Variants in BPIFA2 observed in about 807,000 individuals in gnomAD.
BPIFA2 encodes BPI fold containing family A member 2.
A neutral mutation model predicts 25.7 loss-of-function variants in BPIFA2; 20 were observed. The observed-to-expected ratio is 0.78, with a 90% CI of 0.55 to 1.13. The LOEUF (loss-of-function observed/expected upper bound fraction) is 1.13, where lower values mean the gene tolerates loss of function less well. Ranked by LOEUF, BPIFA2 falls within the 50% of genes most tolerant of loss-of-function variation. BPIFA2 has a pLI of 0.00. For missense variants in BPIFA2, 300 were observed against 298.1 expected (o/e 1.01, Z -0.05); for synonymous variants, 126 against 124.3 (o/e 1.01, Z -0.09).
At chr20:33,163,471 A>G (rs537087687), upstream of BPIFA2, among the ~76,000 whole-genome samples, 2 of 152,218 alleles carry the variant, frequency 1.3e-5, no homozygotes, top group Non-Finnish European at 2.9e-5. Flanking sequence ...TGCTAGCGCA[A>G]TGGAGATGAA....
At chr20:33,179,156 G>A (rs1037686785) in intron 6 of BPIFA2, among the ~76,000 whole-genome samples, 4 of 152,046 alleles carry the variant, frequency 2.6e-5, no homozygotes, top group Non-Finnish European at 5.9e-5. Context: ...CAGGCCAGGC[G>A]CGGTGGCTTA....
chr20:33,175,388 T>C lies in BPIFA2; in HGVS notation c.411-19T>C. The C allele has an allele frequency of 6.2e-7, 1 of 1,611,566 alleles. No homozygotes were observed. Among genetic ancestry groups the C allele is most frequent in the Non-Finnish European group, 8.5e-7 (1 of 1,178,532 alleles). On this transcript the variant is annotated intron_variant, in intron 4 of 8. Transcript: ENST00000354932. ...AGGAACTTCTAGACTTTGTTCACTGTGCATCTTACTTCCTGCAGGCCCATC... is the reference window on the plus strand; with the variant it reads ...AGGAACTTCTAGACTTTGTTCACTGCGCATCTTACTTCCTGCAGGCCCATC...
rs1983999352 is a variant in BPIFA2 at position 33,174,186 on chromosome 20, G to A, written c.410G>A (p.Gly137Glu). Reference protein sequence around the residue: ...FPVTANVTVAGPIIGQIINLK... With the variant: ...FPVTANVTVAEPIIGQIINLK... The stretch of plus-strand genomic sequence containing the variant: ...GTCACCGCGAATGTCACTGTGGCCG[G>A]GTGAGTATGCACTAGAATCTGAGAT... The change falls in exon 4 of 9, where the codon GGG becomes GAG. Residue 137 changes from glycine (G) to glutamate (E), a missense_variant and splice_region_variant. By Grantham distance (98) the Gly-to-Glu change is moderately conservative. Transcript: ENST00000354932. 6.2e-7 allele frequency: 1 copy of A among 1,613,668 alleles called. No individual in the cohort carries two copies. The highest frequency in any genetic ancestry group is 1.7e-5 in the Admixed American group (1 of 59,996).
intron 5 of BPIFA2, among the ~76,000 whole-genome samples, 177 bp downstream of exon 5, chr20:33,175,736 T>A (rs919039668): frequency 6.6e-6 from 1 of 152,162 alleles, no homozygotes; most frequent in African/African-American, 2.4e-5. Flanking sequence ...TATCACCAAC[T>A]TGACCCAGGC....
At chr20:33,169,572 T>C (rs146440288) in intron 2 of BPIFA2, among the ~76,000 whole-genome samples, 299 of 152,314 alleles carry the variant, frequency 2.0e-3, no homozygotes, top group African/African-American at 6.9e-3. Flanking sequence ...TGTTGACAAA[T>C]AATCTCCTAT....
chr20:33,163,033 G>C (rs1011515841), intron 1 of BPIFA2, among the ~76,000 whole-genome samples: 1 of 152,232 alleles, frequency 6.6e-6, no homozygotes, highest in Admixed American at 6.5e-5. Context: ...GTCAGTGTGC[G>C]TGTTGGCCTC....
chr20:33,170,423 AT>A (rs988579558), intron 2 of BPIFA2, among the ~76,000 whole-genome samples: 1 of 152,010 alleles, frequency 6.6e-6, no homozygotes, highest in Admixed American at 6.6e-5. Context: ...GACATTTATT[AT>A]TTTTTGAGAC....
chr20:33,171,182 G>A (rs903906237), intron 2 of BPIFA2, among the ~76,000 whole-genome samples: 4 of 152,086 alleles, frequency 2.6e-5, no homozygotes, highest in Non-Finnish European at 4.4e-5. Flanking sequence ...CTCCAGCTTT[G>A]TTCTTTTTGC....
At chr20:33,175,607 G>C (rs777912935) in intron 5 of BPIFA2, 48 bp downstream of exon 5, 5 of 1,591,040 alleles carry the variant, frequency 3.1e-6, no homozygotes, top group Non-Finnish European at 4.3e-6. Flanking sequence ...GGAACTTGAG[G>C]ACCCCTAATT....
chr20:33,179,768 C>G, intron 7 of BPIFA2, 101 bp downstream of exon 7: 1 of 1,224,788 alleles, frequency 8.2e-7, no homozygotes, highest in Non-Finnish European at 1.2e-6. Flanking sequence ...AGCAGAAGGA[C>G]CCACTGTCCT....
At chr20:33,173,219 C>A in intron 3 of BPIFA2, 143 bp downstream of exon 3, 1 of 953,748 alleles carries the variant, frequency 1.0e-6, no homozygotes. Context: ...AAGGCCAGAC[C>A]CACCAGAGCT....
At chr20:33,179,458 A>T in intron 6 of BPIFA2, 146 bp from the exon 7 acceptor site, 1 of 676,500 alleles carries the variant, frequency 1.5e-6, no homozygotes, top group Non-Finnish European at 2.5e-6. Context: ...ACAATAAAAC[A>T]AAATAAAATC....
upstream of BPIFA2, among the ~76,000 whole-genome samples, chr20:33,165,155 C>A (rs1045501690): frequency 1.3e-5 from 2 of 152,226 alleles, no homozygotes; most frequent in African/African-American, 4.8e-5. Context: ...TTATTAATTG[C>A]TCTATTTAGC....
chr20:33,179,900 C>G (rs894397358), intron 7 of BPIFA2, among the ~76,000 whole-genome samples: 5 of 152,144 alleles, frequency 3.3e-5, no homozygotes, highest in Non-Finnish European at 5.9e-5. Flanking sequence ...TGTCAAGACC[C>G]TGGAGGTGAC....
At chr20:33,176,886 TACCTAGAGC>T (rs898550205) in intron 5 of BPIFA2, among the ~76,000 whole-genome samples, 138 of 152,298 alleles carry the variant, frequency 9.1e-4, no homozygotes, top group African/African-American at 3.2e-3. Context: ...GTGCTCTGGC[TACCTAGAGC>T]ACCTTCTTCT....
intron 5 of BPIFA2, among the ~76,000 whole-genome samples, chr20:33,177,897 C>T (rs763244085): frequency 1.3e-5 from 2 of 152,170 alleles, no homozygotes; most frequent in African/African-American, 2.4e-5. Context: ...TCTGTAAATA[C>T]GGGTTGAATG....
At chr20:33,175,341 G>C in intron 4 of BPIFA2, 66 bp from the exon 5 acceptor site, 1 of 1,500,488 alleles carries the variant, frequency 6.7e-7, no homozygotes, top group South Asian at 1.3e-5. Flanking sequence ...CACAGGTGGA[G>C]GAACCCAACT....
Position 33,178,213 on chromosome 20 carries a change from C to G in BPIFA2, c.630C>G (p.Ser210=). The part of the protein sequence containing the change: ...VINTLKSTVS[S]LLQKEICPLI... ...ACACGCTGAAAAGCACTGTATCCTC[C>G]CTGCTGCAGAAGGAGGTGAGTCTCC... is the stretch of plus-strand genomic sequence containing the variant. The change falls in exon 6 of 9, where the codon TCC becomes TCG. Residue 210 remains serine, a synonymous_variant. Transcript: ENST00000354932. 4 of 1,598,210 alleles carry G rather than the reference C, an allele frequency of 2.5e-6. No individual in the cohort carries two copies. Among genetic ancestry groups the G allele is most frequent in the Non-Finnish European group, 3.4e-6 (4 of 1,167,826 alleles).
intron 3 of BPIFA2, 152 bp downstream of exon 3, chr20:33,173,228 C>A: frequency 1.1e-6 from 1 of 885,824 alleles, no homozygotes; most frequent in South Asian, 1.8e-5. Context: ...CCCACCAGAG[C>A]TTGAGTAAAT....
Sources: gnomAD v4.1 joint callset for allele counts (sites outside exome capture counted in the v4.1 genomes callset) on GRCh38, gnomAD v4.1.1 for gene constraint, MANE v1.5 for transcripts, NCBI Gene and HGNC (gene_info 2026-07-23, HGNC 2026-07-21) for gene names.